NIPA2: variants seen among roughly 807,000 people sequenced by gnomAD.
NIPA2 encodes the protein NIPA magnesium transporter 2.
A neutral mutation model predicts 29.7 loss-of-function variants in NIPA2; 11 were observed. The observed-to-expected ratio is 0.37, with a 90% CI of 0.23 to 0.61. The LOEUF is 0.61. Among genes scored for constraint, NIPA2 ranks in the 20% least tolerant of loss-of-function variants. The pLI is 0.66. For synonymous variants in NIPA2, 183 were observed against 161.9 expected, an observed-to-expected ratio of 1.13 and a Z score of -0.99; for missense variants, 426 against 437.9, an observed-to-expected ratio of 0.97 and a Z score of 0.24.
intron 3 of NIPA2, among the ~76,000 whole-genome samples, chr15:22,847,508 A>G (rs1375501751): frequency 6.6e-6 from 1 of 151,012 alleles, no homozygotes; most frequent in East Asian, 1.9e-4. Flanking sequence ...TCTGTCACCT[A>G]GGGTGGAATG....
rs543457527 is a variant in NIPA2, at chr15:22,845,257, A to G, written c.-104A>G. ...TTCAGGACATTCCCTCTGATGTCCT[A>G]TTTTCAAACTGTAAGTCAGAATGAG... is the stretch of plus-strand genomic sequence containing the variant. On this transcript the variant is annotated 5_prime_UTR_variant, in exon 3 of 8. Coordinates refer to ENST00000337451, the MANE Select transcript of NIPA2 (RefSeq NM_030922.7). The G allele has an allele frequency of 4.6e-5, 7 of 152,114 alleles. No individual in the cohort carries two copies. The highest frequency in any genetic ancestry group is 2.1e-4 in the South Asian group (1 of 4,802). 9.4% of individuals were successfully genotyped at this position (152,114 alleles called of 1,614,324 possible). A position where few individuals can be genotyped will look rare whatever the true frequency, so the allele number is the denominator to read the frequency against.
rs1413451412 is a variant in NIPA2 at position 22,846,837 on chromosome 15, AATAATT to A, written c.-94+1573_-94+1578del. Among the ~76,000 whole-genome samples the A allele has an allele frequency of 1.8e-4, 18 of 101,290 alleles. No homozygotes were observed. In the East Asian group the frequency reaches 2.0e-3, roughly 11 times the overall value. The allele number at this position is 101,290 out of a possible 152,430, so 66.5% of individuals were successfully genotyped here. On this transcript the variant is annotated intron_variant, in intron 3 of 7. Transcript: ENST00000337451. ...TCTCCAAAATAATAATAATAATAATAATAATTATTATTATTATTATTTAAATTTGGA... is the reference window on the plus strand; with the variant it reads ...TCTCCAAAATAATAATAATAATAATAATTATTATTATTATTTAAATTTGGA...
chr15:22,852,557 C>T (rs200699548), intron 4 of NIPA2, among the ~76,000 whole-genome samples: 12 of 113,892 alleles, frequency 1.1e-4, no homozygotes, highest in East Asian at 1.0e-3. Flanking sequence ...CTTTGAACTT[C>T]GACATTTTGG....
chr15:22,847,710 C>G (rs1039661292), intron 3 of NIPA2, among the ~76,000 whole-genome samples: 5 of 152,132 alleles, frequency 3.3e-5, no homozygotes, highest in Non-Finnish European at 7.4e-5. Flanking sequence ...GATCTGCCCA[C>G]CTCGGCCTCC....
chr15:22,846,996 C>T (rs1030941319), intron 3 of NIPA2, among the ~76,000 whole-genome samples: 57 of 151,168 alleles, frequency 3.8e-4, no homozygotes, highest in Admixed American at 3.1e-3. Context: ...CTCTGCCTCC[C>T]GGGTTCAAGC....
chr15:22,866,413 C>G lies in NIPA2; in HGVS notation c.649C>G (p.Leu217Val), dbSNP rs780796832. ...AGGGAAGCCTGTGCTGCGGCATCCC[C>G]TGGCTTGGATTCTGCTGCTGAGCCT... Reference protein sequence around the residue: ...FAGKPVLRHPLAWILLLSLIV... With the variant: ...FAGKPVLRHPVAWILLLSLIV... The change falls in exon 8 of 8, where the codon CTG (leucine) becomes GTG (valine). Residue 217 changes from leucine to valine, a missense_variant. Leu to Val is a conservative substitution (Grantham distance 32). This residue lies in a region of NIPA2 where 357 missense variants were observed against 339.8 expected (regional missense o/e 1.05). Transcript: ENST00000337451. 8.1e-6 allele frequency: 13 copies of G among 1,614,136 alleles called. No individual in the cohort carries two copies. Among genetic ancestry groups the G allele is most frequent in the Non-Finnish European group, 1.0e-5 (12 of 1,179,968 alleles).
At chr15:22,840,779 C>T in intron 2 of NIPA2, among the ~76,000 whole-genome samples, 2 of 152,138 alleles carry the variant, frequency 1.3e-5, no homozygotes, top group South Asian at 4.1e-4. Context: ...GGAATAGTGC[C>T]TGGGGAGGTG....
rs953060417 is a variant in NIPA2, at chr15:22,866,804, G to A, written c.1040G>A (p.Gly347Asp). The A allele has an allele frequency of 5.6e-6, 9 of 1,603,438 alleles. No individual in the cohort carries two copies. The Admixed American group carries it at 1.0e-4, about 18-fold the overall frequency. Residue 347 changes from glycine (G) to aspartate (D), a missense_variant, in exon 8 of 8, where the codon GGT (glycine) becomes GAT (aspartate). Gly to Asp is a moderately conservative substitution (Grantham distance 94, BLOSUM62 -1). Around this residue, in one of 3 missense-constraint regions of NIPA2, gnomAD observed 357 missense variants for 339.8 expected, o/e 1.05. Transcript: ENST00000337451. ...SLTCGIEQHT[G>D]ENVSRRNGNL... The stretch of plus-strand genomic sequence containing the variant: ...ACCTGTGGAATCGAACAACACACTG[G>A]TGAAAATGTCTCCCGAAGAAATGGA...
At chr15:22,844,511 G>A (rs1426106845) in intron 2 of NIPA2, among the ~76,000 whole-genome samples, 2 of 151,918 alleles carry the variant, frequency 1.3e-5, no homozygotes, top group African/African-American at 2.4e-5. Context: ...CCGAGATGGC[G>A]CCATCGCACT....
At chr15:22,846,356 C>T (rs542271001) in intron 3 of NIPA2, among the ~76,000 whole-genome samples, 1 of 151,724 alleles carries the variant, frequency 6.6e-6, no homozygotes, top group Admixed American at 6.6e-5. Flanking sequence ...ATTAAAAGCT[C>T]CTGGTTTTTA....
intron 7 of NIPA2, among the ~76,000 whole-genome samples, chr15:22,863,611 T>C (rs1022139191): frequency 6.6e-6 from 1 of 152,218 alleles, no homozygotes; most frequent in Non-Finnish European, 1.5e-5. Flanking sequence ...TAAGGGGAAA[T>C]GCACACAGAA....
intron 2 of NIPA2, among the ~76,000 whole-genome samples, chr15:22,841,346 A>G (rs994233812): frequency 6.6e-6 from 1 of 152,154 alleles, no homozygotes; most frequent in Non-Finnish European, 1.5e-5. Context: ...CTGCATATCT[A>G]TTTGTTTTAT....
chr15:22,840,034 C>T (rs1327111990), intron 2 of NIPA2, among the ~76,000 whole-genome samples: 2 of 152,142 alleles, frequency 1.3e-5, no homozygotes, highest in Non-Finnish European at 2.9e-5. Context: ...GCTCCTCCCA[C>T]CTCAGCCTCC....
chr15:22,866,883 T>C lies in NIPA2; in HGVS notation c.*36T>C, dbSNP rs186784594. The C allele has an allele frequency of 1.8e-5, 28 of 1,519,414 alleles. No individual in the cohort carries two copies. The highest frequency in any genetic ancestry group is 6.8e-5 in the East Asian group (3 of 44,136). 94.1% of individuals were successfully genotyped at this position (1,519,414 alleles called of 1,614,324 possible). On this transcript the variant is annotated 3_prime_UTR_variant, in exon 8 of 8. Coordinates refer to ENST00000337451, the MANE Select transcript of NIPA2 (RefSeq NM_030922.7). ...ATTAAAGGTTAATCTGTGATTGTTA[T>C]GAAGTGAATTTGAATATCATCAGAA...
At chr15:22,859,284 CTTTTTCTTTTTT>C (rs2058440379) in intron 6 of NIPA2, among the ~76,000 whole-genome samples, 1 of 138,898 alleles carries the variant, frequency 7.2e-6, no homozygotes, top group Non-Finnish European at 1.5e-5. Context: ...GAGTAGATTT[CTTTTTCTTTTTT>C]TTTTTTTTTT....
At chr15:22,865,148 C>T (rs2058900686) in intron 7 of NIPA2, among the ~76,000 whole-genome samples, 1 of 151,764 alleles carries the variant, frequency 6.6e-6, no homozygotes, top group Admixed American at 6.6e-5. Flanking sequence ...GCGTGAGCCA[C>T]CACACCTGGC....
chr15:22,857,431 ACT>A (rs2058265029), intron 5 of NIPA2, among the ~76,000 whole-genome samples: 2 of 131,622 alleles, frequency 1.5e-5, no homozygotes, highest in East Asian at 2.4e-4. Flanking sequence ...ACAGAGCGAG[ACT>A]CTGTCTCAAA....
chr15:22,843,056 G>C (rs1897563408), intron 2 of NIPA2, among the ~76,000 whole-genome samples: 1 of 151,926 alleles, frequency 6.6e-6, no homozygotes. Flanking sequence ...ATGATGCAGG[G>C]TCTTTGTTAC....
intron 3 of NIPA2, among the ~76,000 whole-genome samples, chr15:22,846,818 AAATAAT>A (rs1555380233): frequency 6.6e-5 from 9 of 135,838 alleles, no homozygotes; most frequent in African/African-American, 1.4e-4. Flanking sequence ...CCTGTCTCCA[AAATAAT>A]AATAATAATA....
Sources: gnomAD v4.1 joint callset for allele counts (sites outside exome capture counted in the v4.1 genomes callset) on GRCh38, gnomAD v4.1.1 for gene constraint, gnomAD v4.1.1 regional missense constraint, MANE v1.5 for transcripts, NCBI Gene and HGNC (gene_info 2026-07-23, HGNC 2026-07-21) for gene names.